Variants in KDM4C observed in about 807,000 individuals in gnomAD.
The protein encoded by KDM4C is lysine demethylase 4C.
A neutral mutation model predicts 129.3 loss-of-function variants in KDM4C; 81 were observed. That is an observed-to-expected ratio of 0.63 (90% CI 0.52 to 0.75). The LOEUF is 0.75. Ranked by LOEUF, KDM4C falls within the 30% of genes least tolerant of loss-of-function variation. KDM4C has a pLI of 0.00. For missense variants in KDM4C, 1,457 were observed against 1,304.0 expected (o/e 1.12, Z -1.81); for synonymous variants, 573 against 456.1 (o/e 1.26, Z -3.26).
chr9:6,975,952 C>T (rs972114922), intron 8 of KDM4C, among the ~76,000 whole-genome samples: 7 of 152,320 alleles, frequency 4.6e-5, no homozygotes, highest in Middle Eastern at 3.4e-3. Flanking sequence ...GCAGGAGAAT[C>T]GCTTCAACCA....
At chr9:7,164,606 G>A (rs1180100778) in intron 19 of KDM4C, among the ~76,000 whole-genome samples, 2 of 152,108 alleles carry the variant, frequency 1.3e-5, no homozygotes, top group African/African-American at 2.4e-5. Flanking sequence ...AGCTCCACCC[G>A]CCGTGCTGCA....
At chr9:7,119,276 G>A (rs979005485) in intron 18 of KDM4C, among the ~76,000 whole-genome samples, 25 of 152,182 alleles carry the variant, frequency 1.6e-4, no homozygotes, top group Admixed American at 1.2e-3. Context: ...TAAAAGATTG[G>A]CTGCTGCGTC....
chr9:6,722,050 A>G (rs966833702), intron 1 of KDM4C, among the ~76,000 whole-genome samples: 5 of 152,220 alleles, frequency 3.3e-5, no homozygotes, highest in African/African-American at 1.2e-4. Flanking sequence ...CCAATTAAAA[A>G]TTAAAATTTG....
chr9:6,998,615 G>A (rs1043550884), intron 12 of KDM4C, among the ~76,000 whole-genome samples: 4 of 152,110 alleles, frequency 2.6e-5, no homozygotes, highest in African/African-American at 9.7e-5. Context: ...GGTTAACATC[G>A]CAAAACCCTG....
Position 7,061,862 on chromosome 9 carries a change from C to T in KDM4C, c.2424+12662C>T, listed in dbSNP as rs139378078. On this transcript the variant is annotated intron_variant, in intron 17 of 21. Coordinates refer to ENST00000381309, the MANE Select transcript of KDM4C (RefSeq NM_015061.6). ...TCTGGGAAACTAACCTCTTGTTCAG[C>T]GGCTTTCAGCCAGTTCTCCGTACAT... is the stretch of plus-strand genomic sequence containing the variant. Among the ~76,000 whole-genome samples the T allele has an allele frequency of 8.5e-5, 13 of 152,346 alleles. 1 individual carries two copies. The highest frequency in any genetic ancestry group is 1.9e-4 in the African/African-American group (8 of 41,584).
At chr9:6,834,519 G>A (rs528520111) in intron 4 of KDM4C, 8 of 655,696 alleles carry the variant, frequency 1.2e-5, no homozygotes, top group African/African-American at 8.9e-5. Flanking sequence ...GGCTGGCTTC[G>A]CAGGTGACGA....
intron 13 of KDM4C, among the ~76,000 whole-genome samples, chr9:7,012,146 G>A (rs557431334): frequency 1.3e-5 from 2 of 152,180 alleles, no homozygotes; most frequent in Admixed American, 6.5e-5. Context: ...ATGACTCCGT[G>A]CAGGCTTGTA....
chr9:6,966,721 G>T (rs1409277638), intron 8 of KDM4C, among the ~76,000 whole-genome samples: 1 of 151,962 alleles, frequency 6.6e-6, no homozygotes, highest in African/African-American at 2.4e-5. Flanking sequence ...CAACCATCCA[G>T]TAGGGAAAAA....
chr9:6,988,601 G>A (rs961007153), intron 11 of KDM4C, among the ~76,000 whole-genome samples: 1 of 152,094 alleles, frequency 6.6e-6, no homozygotes, highest in Non-Finnish European at 1.5e-5. Flanking sequence ...TGTGTATGCT[G>A]ATAGCTGCTG....
rs934840062 is a variant in KDM4C at position 6,900,614 on chromosome 9, A to G, written c.921+7382A>G. On this transcript the variant is annotated intron_variant, in intron 8 of 21. Transcript: ENST00000381309. ...CACACCACTGCACTCCAGCCTGGGCAACAATGCAAGACCTGTCTCAAAACA... is the reference window on the plus strand; with the variant it reads ...CACACCACTGCACTCCAGCCTGGGCGACAATGCAAGACCTGTCTCAAAACA... 3.9e-5 allele frequency among the ~76,000 whole-genome samples: 6 copies of G among 152,370 alleles called. No homozygotes were observed. In the South Asian group the frequency reaches 1.2e-3, roughly 32 times the overall value.
chr9:7,087,273 G>A (rs1000491165), intron 17 of KDM4C, among the ~76,000 whole-genome samples: 1 of 129,248 alleles, frequency 7.7e-6, no homozygotes, highest in Non-Finnish European at 1.6e-5. Flanking sequence ...TAATATGAAG[G>A]CTTTTTTTTT....
intron 1 of KDM4C, among the ~76,000 whole-genome samples, chr9:6,732,081 G>C (rs1212351066): frequency 6.6e-6 from 1 of 151,954 alleles, no homozygotes; most frequent in African/African-American, 2.4e-5. Flanking sequence ...AAAGAATGAG[G>C]CTGGGGCTGG....
rs888697613 is a variant in KDM4C at position 7,112,326 on chromosome 9, A to G, written c.2610+8456A>G. On this transcript the variant is annotated intron_variant, in intron 18 of 21. Coordinates refer to ENST00000381309, the MANE Select transcript of KDM4C (RefSeq NM_015061.6). ...GTGTGGGGCAGTATTAGGAAGCTCA[A>G]TCTTGAGGCCAAGTGGGAGTGGATT... 2.6e-4 allele frequency among the ~76,000 whole-genome samples: 39 copies of G among 152,076 alleles called. 1 individual carries two copies. The highest frequency in any genetic ancestry group is 4.4e-5 in the Non-Finnish European group (3 of 68,024).
Position 6,758,550 on chromosome 9 carries a change from A to T in KDM4C, c.-18+347A>T, listed in dbSNP as rs1320891860. ...GGGATGCGGACCTCTTAACGCCGCC[A>T]GTCGGCTGTGGCGGACTCCAGGAAG... is the stretch of plus-strand genomic sequence containing the variant. On this transcript the variant is annotated intron_variant, in intron 1 of 21. Transcript: ENST00000381309. The surrounding 1 kb of genome is among the most constrained non-coding windows in gnomAD (Gnocchi z 4.6). Among the ~76,000 whole-genome samples, 1 of 6,308 alleles carries T rather than the reference A, an allele frequency of 1.6e-4. No homozygotes were observed. Among genetic ancestry groups the T allele is most frequent in the Non-Finnish European group, 2.5e-4 (1 of 4,000 alleles). The allele number at this position is 6,308 out of a possible 152,430, so 4.1% of individuals were successfully genotyped here.
chr9:6,819,927 A>T (rs1303013132), intron 4 of KDM4C, among the ~76,000 whole-genome samples: 1 of 152,154 alleles, frequency 6.6e-6, no homozygotes, highest in Non-Finnish European at 1.5e-5. Context: ...CGAATTATAG[A>T]GTCATCAAAT....
chr9:7,135,071 G>T lies in KDM4C; in HGVS notation c.2781+6835G>T, dbSNP rs187637202. 2.6e-5 allele frequency among the ~76,000 whole-genome samples: 4 copies of T among 152,286 alleles called. No individual in the cohort carries two copies. In the East Asian group the frequency reaches 7.7e-4, roughly 29 times the overall value. On this transcript the variant is annotated intron_variant, in intron 19 of 21. Coordinates refer to ENST00000381309, the MANE Select transcript of KDM4C (RefSeq NM_015061.6). The stretch of plus-strand genomic sequence containing the variant: ...TGTTGAAGCCTTTACTCAAGTTGCA[G>T]TTGCATCTTGTTCCTTTGTTTTACG...
At chr9:7,080,061 A>G (rs1053778366) in intron 17 of KDM4C, among the ~76,000 whole-genome samples, 11 of 152,162 alleles carry the variant, frequency 7.2e-5, no homozygotes, top group African/African-American at 2.7e-4. Flanking sequence ...CACTTCATCT[A>G]GGCCATGGAT....
chr9:6,927,121 A>G (rs1408145294), intron 8 of KDM4C, among the ~76,000 whole-genome samples: 1 of 150,790 alleles, frequency 6.6e-6, no homozygotes, highest in Non-Finnish European at 1.5e-5. Context: ...CTATCTATCT[A>G]TCTATCTATC....
intron 17 of KDM4C, among the ~76,000 whole-genome samples, chr9:7,090,157 A>G (rs1015328651): frequency 3.9e-5 from 6 of 152,248 alleles, no homozygotes; most frequent in Non-Finnish European, 7.3e-5. Flanking sequence ...AAAATTTGAT[A>G]GATGCACTTA....
Sources: gnomAD v4.1 joint callset for allele counts (sites outside exome capture counted in the v4.1 genomes callset) on GRCh38, gnomAD v4.1.1 for gene constraint, Gnocchi (gnomAD v3.1) non-coding constraint, MANE v1.5 for transcripts, NCBI Gene and HGNC (gene_info 2026-07-23, HGNC 2026-07-21) for gene names.